Variants in STK32B observed in about 807,000 individuals in gnomAD.
The protein encoded by STK32B is serine/threonine kinase 32B.
A neutral mutation model predicts 52.6 loss-of-function variants in STK32B; 43 were observed. The observed-to-expected ratio is 0.82, with a 90% confidence interval of 0.64 to 1.05. STK32B has a LOEUF of 1.05. Among genes scored for constraint, STK32B ranks in the 50% least tolerant of loss-of-function variants. STK32B has a pLI of 0.00. For synonymous variants in STK32B, 238 were observed against 204.3 expected (o/e 1.17, Z -1.41); for missense variants, 621 against 534.6 (o/e 1.16, Z -1.59).
intron 4 of STK32B, among the ~76,000 whole-genome samples, chr4:5,346,453 C>A (rs1733463878): frequency 6.6e-6 from 1 of 152,148 alleles, no homozygotes; most frequent in South Asian, 2.1e-4. Context: ...AACAAACAAA[C>A]CCAAACCTCT....
upstream of STK32B, among the ~76,000 whole-genome samples, chr4:5,051,081 G>A (rs1741750536): frequency 6.6e-6 from 1 of 152,128 alleles, no homozygotes; most frequent in Admixed American, 6.5e-5. Flanking sequence ...CGGTTGGAGA[G>A]CCAGCAGACA....
chr4:5,354,070 A>T (rs982405162), intron 4 of STK32B, among the ~76,000 whole-genome samples: 1 of 152,230 alleles, frequency 6.6e-6, no homozygotes, highest in Non-Finnish European at 1.5e-5. Flanking sequence ...GAATGAAATC[A>T]TGTCATTTGC....
chr4:5,316,212 T>A (rs1730689916), intron 3 of STK32B, among the ~76,000 whole-genome samples: 3 of 80,642 alleles, frequency 3.7e-5, no homozygotes, highest in African/African-American at 2.8e-4. Flanking sequence ...TAATATATAT[T>A]ACATAATATA....
chr4:5,199,979 G>A (rs1240539121), intron 3 of STK32B, among the ~76,000 whole-genome samples: 2 of 152,202 alleles, frequency 1.3e-5, no homozygotes, highest in Admixed American at 1.3e-4. Context: ...TTGAATGGAA[G>A]CTCAGGGCTA....
chr4:5,449,441 G>A (rs2109127726), intron 7 of STK32B, among the ~76,000 whole-genome samples: 1 of 152,336 alleles, frequency 6.6e-6, no homozygotes, highest in Middle Eastern at 3.4e-3. Flanking sequence ...TATTAATATG[G>A]CTTGTTAGCC....
chr4:5,050,892 G>A (rs908812463), upstream of STK32B, among the ~76,000 whole-genome samples: 1 of 152,302 alleles, frequency 6.6e-6, no homozygotes, highest in East Asian at 1.9e-4. Flanking sequence ...GGGGAATCCC[G>A]AGACTCATGC....
intron 1 of STK32B, among the ~76,000 whole-genome samples, chr4:5,086,833 T>C (rs1712758922): frequency 6.6e-6 from 1 of 152,230 alleles, no homozygotes; most frequent in Non-Finnish European, 1.5e-5. Context: ...AAGAATTGTA[T>C]ATCTGAAAAA....
chr4:5,065,377 A>C (rs1742380207), intron 1 of STK32B, among the ~76,000 whole-genome samples: 1 of 152,174 alleles, frequency 6.6e-6, no homozygotes, highest in Non-Finnish European at 1.5e-5. Context: ...TTCTCCGTGA[A>C]GTCTGTGATT....
chr4:5,166,661 C>T (rs897248287), intron 2 of STK32B, among the ~76,000 whole-genome samples: 1 of 151,542 alleles, frequency 6.6e-6, no homozygotes, highest in African/African-American at 2.4e-5. Flanking sequence ...GAGGAGGATC[C>T]CCCCAGGAGC....
chr4:5,209,176 G>T (rs1722758065), intron 3 of STK32B, among the ~76,000 whole-genome samples: 1 of 152,200 alleles, frequency 6.6e-6, no homozygotes, highest in African/African-American at 2.4e-5. Context: ...GGTGAAGAGG[G>T]AGAGATATCG....
At chr4:5,294,122 C>T (rs1156591372) in intron 3 of STK32B, among the ~76,000 whole-genome samples, 1 of 151,946 alleles carries the variant, frequency 6.6e-6, no homozygotes, top group Non-Finnish European at 1.5e-5. Context: ...ATTTCTGAGG[C>T]CTCTGTTCTG....
At chr4:5,463,196 A>G (rs1019840823) in intron 9 of STK32B, among the ~76,000 whole-genome samples, 3 of 152,212 alleles carry the variant, frequency 2.0e-5, no homozygotes, top group African/African-American at 7.2e-5. Context: ...ACAGGCTCTG[A>G]TCTGCCAAAC....
At chr4:5,414,965 A>G (rs550257395) in intron 5 of STK32B, among the ~76,000 whole-genome samples, 6 of 152,230 alleles carry the variant, frequency 3.9e-5, no homozygotes, top group East Asian at 3.9e-4. Flanking sequence ...TCCTCTTCCA[A>G]TGCTGACATG....
At chr4:5,113,216 C>T (rs1255905137) in intron 1 of STK32B, among the ~76,000 whole-genome samples, 1 of 152,154 alleles carries the variant, frequency 6.6e-6, no homozygotes, top group Non-Finnish European at 1.5e-5. Context: ...AGGCCCTGTA[C>T]AGACCCCTCG....
intron 1 of STK32B, among the ~76,000 whole-genome samples, chr4:5,062,590 G>A (rs1361913016): frequency 2.0e-5 from 3 of 152,024 alleles, no homozygotes; most frequent in African/African-American, 7.2e-5. Context: ...CCCATTGCAA[G>A]CTCCGCCTCC....
intron 3 of STK32B, among the ~76,000 whole-genome samples, chr4:5,326,570 T>C (rs1731889418): frequency 6.6e-6 from 1 of 152,188 alleles, no homozygotes; most frequent in African/African-American, 2.4e-5. Context: ...CTAGTGCCTT[T>C]AAAAGTTATG....
chr4:5,181,361 CACACACAG>C (rs1392840151), intron 3 of STK32B, among the ~76,000 whole-genome samples: 1,328 of 105,006 alleles, frequency 0.013, 16 homozygotes, highest in South Asian at 0.016. Flanking sequence ...CACACACACA[CACACACAG>C]AGATCTCATT....
chr4:5,464,055 G>A lies in STK32B; in HGVS notation c.910-2648G>A, dbSNP rs934987270. On this transcript the variant is annotated intron_variant, in intron 9 of 11. Transcript: ENST00000282908. ...GCATCAGGGAGCTTCCAGTCAGGGC[G>A]GAAGGTGAAGCAAGAGCAGGTGTGT... Among the ~76,000 whole-genome samples, 11 of 152,172 alleles carry A rather than the reference G, an allele frequency of 7.2e-5. 1 individual carries two copies. The highest frequency in any genetic ancestry group is 1.9e-4 in the African/African-American group (8 of 41,422).
chr4:5,488,752 T>G lies in STK32B; in HGVS notation c.1107-10193T>G, dbSNP rs559110318. Among the ~76,000 whole-genome samples, 265 of 152,240 alleles carry G rather than the reference T, an allele frequency of 1.7e-3. 3 individuals are homozygous for G. Among genetic ancestry groups the G allele is most frequent in the Non-Finnish European group, 1.6e-4 (11 of 68,002 alleles). On this transcript the variant is annotated intron_variant, in intron 11 of 11. Transcript: ENST00000282908. ...CTTTGCAACCTTCCTTAGCAAAAATTTATCTTCATATCTATAACTTTCTTC... is the reference window on the plus strand; with the variant it reads ...CTTTGCAACCTTCCTTAGCAAAAATGTATCTTCATATCTATAACTTTCTTC...
Sources: allele counts gnomAD v4.1 joint callset (sites outside exome capture counted in the v4.1 genomes callset), GRCh38; gene constraint gnomAD v4.1.1; transcripts MANE v1.5; gene names NCBI Gene and HGNC (gene_info 2026-07-23, HGNC 2026-07-21).